Variants in TAOK2 observed in about 807,000 individuals in gnomAD.
The protein encoded by TAOK2 is serine/threonine-protein kinase TAO2.
In TAOK2, 42 loss-of-function variants were observed where a neutral mutation model predicts 122.5. The ratio of observed to expected loss-of-function variants is 0.34; its 90% CI spans 0.27 to 0.44. The LOEUF (loss-of-function observed/expected upper bound fraction) is 0.44. Among genes scored for constraint, TAOK2 ranks in the 20% least tolerant of loss-of-function variants. The pLI is 1.00. For missense variants in TAOK2, 1,264 were observed against 1,644.9 expected (o/e 0.77, Z 4.01); for synonymous variants, 704 against 677.6 (o/e 1.04, Z -0.61).
chr16:29,975,964 A>T (rs2069440936), intron 1 of TAOK2, among the ~76,000 whole-genome samples: 3 of 152,360 alleles, frequency 2.0e-5, no homozygotes, highest in South Asian at 4.1e-4. Context: ...AGCATAGCTT[A>T]GGAACAGATA....
intron 8 of TAOK2, chr16:29,981,255 T>G: frequency 2.2e-6 from 1 of 451,846 alleles, no homozygotes; most frequent in Non-Finnish European, 3.9e-6. Flanking sequence ...TTGATGTTAT[T>G]TTTTCAGTCC....
At chr16:29,990,080 G>A (rs189288987), downstream of TAOK2, 743 of 392,568 alleles carry the variant, frequency 1.9e-3, 5 homozygotes, top group African/African-American at 0.013. Context: ...TTTTTTCCTG[G>A]GCCTGAGTTA....
Position 29,986,784 on chromosome 16 carries a change from G to A in TAOK2, c.2512G>A (p.Glu838Lys), listed in dbSNP as rs2150904000. Residue 838 changes from glutamate (E) to lysine (K), a missense_variant, in exon 16 of 16, where the codon GAA becomes AAA. Glu to Lys is a moderately conservative substitution (Grantham distance 56). Around this residue, in one of 4 missense-constraint regions of TAOK2, gnomAD observed 824 missense variants for 908.7 expected, o/e 0.91. Coordinates refer to ENST00000308893, the MANE Select transcript of TAOK2 (RefSeq NM_016151.4). This position sits in a 1 kb window ranked among gnomAD's most constrained non-coding sequence, Gnocchi z 4.2. ...PQKHGSLVDEEVWGLPEEIEE... is the reference protein window; with the variant it reads ...PQKHGSLVDEKVWGLPEEIEE... Reference sequence around the variant, plus strand: ...AAAACATGGGAGCCTGGTTGATGAGGAAGTTTGGGGTCTGCCTGAGGAGAT... The same window carrying A: ...AAAACATGGGAGCCTGGTTGATGAGAAAGTTTGGGGTCTGCCTGAGGAGAT... 1 of 1,613,738 alleles carries A rather than the reference G, an allele frequency of 6.2e-7. No individual in the cohort carries two copies. Among genetic ancestry groups the A allele is most frequent in the Non-Finnish European group, 8.5e-7 (1 of 1,179,862 alleles).
intron 1 of TAOK2, 34 bp from the exon 2 acceptor site, chr16:29,977,704 C>CTTGA: frequency 6.3e-7 from 1 of 1,581,566 alleles, no homozygotes; most frequent in Non-Finnish European, 8.6e-7. Context: ...AGGCTCAATC[C>CTTGA]TTGATCTCTA....
chr16:29,990,861 C>T (rs771302697), downstream of TAOK2: 27 of 1,613,524 alleles, frequency 1.7e-5, no homozygotes, highest in South Asian at 1.4e-4. Context: ...AGCTGCTCAA[C>T]GCTTACCAGA....
downstream of TAOK2, chr16:29,989,922 A>G: frequency 1.1e-6 from 1 of 914,234 alleles, no homozygotes. Flanking sequence ...TGGGAAACTC[A>G]CATACTCTCC....
chr16:29,991,456 G>A (rs991481725), downstream of TAOK2: 15 of 1,501,050 alleles, frequency 1.0e-5, no homozygotes, highest in Admixed American at 1.8e-4. This position sits in a 1 kb window ranked among gnomAD's most constrained non-coding sequence, Gnocchi z 5.6. Context: ...GCCTCGGGGG[G>A]CAGTGGCAGT....
chr16:29,990,788 G>A (rs1312346196), downstream of TAOK2: 7 of 1,606,500 alleles, frequency 4.4e-6, no homozygotes, highest in African/African-American at 2.7e-5. Context: ...CCCCAGCTGC[G>A]GCTTGATGAG....
downstream of TAOK2, chr16:29,991,293 C>T (rs757295695): frequency 2.5e-6 from 4 of 1,611,792 alleles, no homozygotes; most frequent in South Asian, 4.4e-5. This position sits in a 1 kb window ranked among gnomAD's most constrained non-coding sequence, Gnocchi z 5.6. Flanking sequence ...TGGCCCTCCT[C>T]CACCAGGCAT....
intron 10 of TAOK2, among the ~76,000 whole-genome samples, chr16:29,982,187 C>T (rs2069639574): frequency 6.6e-6 from 1 of 152,294 alleles, no homozygotes; most frequent in African/African-American, 2.4e-5. Flanking sequence ...AATTGCCAGC[C>T]AGAGCTTCTG....
chr16:29,984,565 G>C (rs1567245376), intron 13 of TAOK2, among the ~76,000 whole-genome samples: 2 of 152,114 alleles, frequency 1.3e-5, no homozygotes, highest in Admixed American at 1.3e-4. Flanking sequence ...GTGCGGTACT[G>C]TGCTGAGAGG....
chr16:29,988,297 C>T lies in TAOK2; in HGVS notation c.*317C>T, dbSNP rs2150907690. On this transcript the variant is annotated 3_prime_UTR_variant, in exon 16 of 16. Transcript: ENST00000308893. The stretch of plus-strand genomic sequence containing the variant: ...GTGGGAAGAGTCATGTTTTTTTTCT[C>T]CTCTTTGATTTTGTTTTTCTGTCTC... 8 of 1,450,944 alleles carry T rather than the reference C, an allele frequency of 5.5e-6. No homozygotes were observed. The highest frequency in any genetic ancestry group is 4.6e-5 in the Admixed American group (2 of 43,500). 89.9% of individuals were successfully genotyped at this position (1,450,944 alleles called of 1,614,324 possible). A position where few individuals can be genotyped will look rare whatever the true frequency, so the allele number is the denominator to read the frequency against.
chr16:29,986,180 C>A lies in TAOK2; in HGVS notation c.1993-85C>A. The A allele has an allele frequency of 2.7e-6, 4 of 1,494,206 alleles. No individual in the cohort carries two copies. Among genetic ancestry groups the A allele is most frequent in the Non-Finnish European group, 3.6e-6 (4 of 1,120,926 alleles). The allele number at this position is 1,494,206 out of a possible 1,614,324, so 92.6% of individuals were successfully genotyped here. On this transcript the variant is annotated intron_variant, in intron 15 of 15. Coordinates refer to ENST00000308893, the MANE Select transcript of TAOK2 (RefSeq NM_016151.4). This position sits in a 1 kb window ranked among gnomAD's most constrained non-coding sequence, Gnocchi z 4.2. ...CTGGGCCCTGTGTTTCTTCCGCCAT[C>A]CCCAGCTCCCTCTGCCAAGGAGCCC...
chr16:29,978,185 GT>G, intron 3 of TAOK2, 25 bp downstream of exon 3: 1 of 1,614,078 alleles, frequency 6.2e-7, no homozygotes, highest in South Asian at 1.1e-5. Context: ...ATACAGCCAG[GT>G]TGGGGACAGG....
rs773644565 is a variant in TAOK2 at position 29,987,107 on chromosome 16, ACTCCTGTCCCATGGC to A, written c.2842_2856del (p.Ser948_Leu952del). On this transcript the variant is annotated inframe_deletion, in exon 16 of 16. Transcript: ENST00000308893. ...CCTGCCCTGCCAGCCAGCTCCCTGG[ACTCCTGTCCCATGGC>A]CTCCTGGCCGGCCTCTCCTTTGCAG... 1.9e-6 allele frequency: 3 copies of A among 1,612,398 alleles called. No individual in the cohort carries two copies. In the South Asian group the frequency reaches 3.3e-5, roughly 18 times the overall value.
Position 29,983,127 on chromosome 16 carries a change from A to C in TAOK2, c.1055A>C (p.His352Pro), listed in dbSNP as rs1423285576. ...ACTCTGACCAGCCTCGAGAGTAGCC[A>C]CTCAGTGCCCAGCATGTCCATCAGC... ...AGTLTSLESS[H>P]SVPSMSISAS... is the part of the protein sequence containing the mutation. Residue 352 changes from histidine (H) to proline (P), a missense_variant, in exon 12 of 16, where the codon CAC becomes CCC. This residue lies in a region of TAOK2 where 254 missense variants were observed against 503.8 expected (regional missense o/e 0.50). Coordinates refer to ENST00000308893, the MANE Select transcript of TAOK2 (RefSeq NM_016151.4). The C allele has an allele frequency of 6.2e-7, 1 of 1,613,832 alleles. No homozygotes were observed. Among genetic ancestry groups the C allele is most frequent in the Non-Finnish European group, 8.5e-7 (1 of 1,179,976 alleles).
downstream of TAOK2, chr16:29,991,168 G>T (rs756707328): frequency 9.3e-6 from 15 of 1,611,266 alleles, no homozygotes; most frequent in South Asian, 1.6e-4. This position sits in a 1 kb window ranked among gnomAD's most constrained non-coding sequence, Gnocchi z 5.6. Context: ...GGCTTCTCCA[G>T]CATGGCTCTG....
chr16:29,989,098 A>G (rs1292344844), downstream of TAOK2: 1 of 985,042 alleles, frequency 1.0e-6, no homozygotes, highest in Non-Finnish European at 1.2e-6. Context: ...GTCTGTCCTT[A>G]GTCGTGTTGC....
chr16:29,989,537 C>T, downstream of TAOK2: 4 of 1,606,610 alleles, frequency 2.5e-6, no homozygotes, highest in Non-Finnish European at 2.6e-6. Flanking sequence ...TCTTCCTCCT[C>T]TTCCTCCTCC....
Sources: gnomAD v4.1 joint callset for allele counts (sites outside exome capture counted in the v4.1 genomes callset) on GRCh38, gnomAD v4.1.1 for gene constraint, gnomAD v4.1.1 regional missense constraint, Gnocchi (gnomAD v3.1) non-coding constraint, MANE v1.5 for transcripts, NCBI Gene and HGNC (gene_info 2026-07-23, HGNC 2026-07-21) for gene names.